The following GATA6 variants were observed in gnomAD, a reference collection of about 807,000 sequenced individuals.
GATA6 encodes the protein transcription factor GATA-6.
A neutral mutation model predicts 48.1 loss-of-function variants in GATA6; 11 were observed. The observed-to-expected ratio is 0.23, with a 90% CI of 0.14 to 0.38. The LOEUF is 0.38. Among genes scored for constraint, GATA6 ranks in the 10% least tolerant of loss-of-function variants. The pLI, the probability that GATA6 is intolerant of heterozygous loss-of-function variation, is 1.00. For missense variants in GATA6, 795 were observed against 850.3 expected (o/e 0.93, Z 0.81); for synonymous variants, 419 against 396.1 (o/e 1.06, Z -0.69).
intron 3 of GATA6, among the ~76,000 whole-genome samples, chr18:22,177,809 C>T (rs2033142483): frequency 6.6e-6 from 1 of 152,096 alleles, no homozygotes; most frequent in South Asian, 2.1e-4. Context: ...TCTTGGATTG[C>T]CCTTGAGCCT....
At chr18:22,199,776 G>A (rs931635507) in intron 6 of GATA6, among the ~76,000 whole-genome samples, 11 of 151,930 alleles carry the variant, frequency 7.2e-5, no homozygotes, top group African/African-American at 2.4e-4. Context: ...GGTGGTGCAT[G>A]CCTGTAATCC....
chr18:22,180,673 ATTTC>A (rs2143298370), intron 3 of GATA6, among the ~76,000 whole-genome samples: 1 of 149,896 alleles, frequency 6.7e-6, no homozygotes, highest in Admixed American at 6.6e-5. Context: ...ATTCAAATAT[ATTTC>A]TTTTTTTTTT....
chr18:22,200,176 A>AGTGTGT (rs59255780), intron 6 of GATA6, among the ~76,000 whole-genome samples: 6,069 of 150,438 alleles, frequency 0.04, 138 homozygotes, highest in Non-Finnish European at 0.057. Context: ...GCCTTGTTAG[A>AGTGTGT]GTGTGTGTGT....
intron 6 of GATA6, among the ~76,000 whole-genome samples, chr18:22,194,733 A>G (rs537288129): frequency 3.8e-4 from 52 of 137,780 alleles, no homozygotes; most frequent in African/African-American, 1.3e-3. Context: ...ACACACACAC[A>G]TCGTGTTGAT....
intron 3 of GATA6, among the ~76,000 whole-genome samples, chr18:22,178,876 T>C (rs1443885645): frequency 1.3e-5 from 2 of 152,228 alleles, no homozygotes; most frequent in Non-Finnish European, 2.9e-5. Flanking sequence ...ATGAAACCGA[T>C]TTATTTTTCT....
At chr18:22,189,608 A>G (rs556401167) in intron 6 of GATA6, among the ~76,000 whole-genome samples, 5 of 152,356 alleles carry the variant, frequency 3.3e-5, no homozygotes, top group African/African-American at 1.2e-4. Context: ...AGAGGAAAGT[A>G]TGAAGGCGAG....
Position 22,170,102 on chromosome 18 carries a change from C to G in GATA6, c.-38+420C>G, listed in dbSNP as rs753280559. The stretch of plus-strand genomic sequence containing the variant: ...CCGGCTGCATTTCACCTCCCTCCCC[C>G]ACTCGCTCCGAGTCTCCCTGTCATT... On this transcript the variant is annotated intron_variant, in intron 1 of 6. Coordinates refer to ENST00000269216, the MANE Select transcript of GATA6 (RefSeq NM_005257.6). The surrounding 1 kb of genome is among the most constrained non-coding windows in gnomAD (Gnocchi z 6.7). Among the ~76,000 whole-genome samples, 4 of 152,178 alleles carry G rather than the reference C, an allele frequency of 2.6e-5. No homozygotes were observed. The East Asian group carries it at 5.8e-4, about 22-fold the overall frequency.
At chr18:22,199,955 A>T (rs2033436950) in intron 6 of GATA6, among the ~76,000 whole-genome samples, 1 of 151,502 alleles carries the variant, frequency 6.6e-6, no homozygotes, top group Non-Finnish European at 1.5e-5. Flanking sequence ...CATGGCAGAT[A>T]GAGGATGTTA....
Position 22,169,616 on chromosome 18 carries a change from C to T in GATA6, c.-104C>T, listed in dbSNP as rs2033001253. ...ACTCGCGCTCGCCCGCTGGCGCCCT[C>T]GGCTTCTCTCCGCGCCTGGGAGCAC... On this transcript the variant is annotated 5_prime_UTR_variant, in exon 1 of 7. Transcript: ENST00000269216. 6.6e-6 allele frequency: 1 copy of T among 152,430 alleles called. No homozygotes were observed. Among genetic ancestry groups the T allele is most frequent in the African/African-American group, 2.4e-5 (1 of 41,444 alleles). 9.4% of individuals were successfully genotyped at this position (152,430 alleles called of 1,614,324 possible). A position where few individuals can be genotyped will look rare whatever the true frequency, so the allele number is the denominator to read the frequency against.
At position 22,177,944 on chromosome 18, in the gene GATA6, G is replaced by GTTTTT. The variant is rs979067151; in HGVS notation, c.1302+826_1302+830dup. 3.8e-3 allele frequency among the ~76,000 whole-genome samples: 295 copies of GTTTTT among 77,838 alleles called. 53 individuals are homozygous for GTTTTT. The highest frequency in any genetic ancestry group is 0.015 in the African/African-American group (235 of 15,868). 51.1% of individuals were successfully genotyped at this position (77,838 alleles called of 152,430 possible). A position where few individuals can be genotyped will look rare whatever the true frequency, so the allele number is the denominator to read the frequency against. On this transcript the variant is annotated intron_variant, in intron 3 of 6. Transcript: ENST00000269216. ...TTCCCCAATTCGCACACGTTTTACT[G>GTTTTT]TTTTTTTGTTTTTTTTTTTTTTTTT... is the stretch of plus-strand genomic sequence containing the variant.
chr18:22,201,818 G>A lies in GATA6; in HGVS notation c.*995G>A, dbSNP rs2033466024. The A allele has an allele frequency of 2.6e-5, 4 of 152,562 alleles. No individual in the cohort carries two copies. The highest frequency in any genetic ancestry group is 2.6e-4 in the Admixed American group (4 of 15,278). 9.5% of individuals were successfully genotyped at this position (152,562 alleles called of 1,614,324 possible). A position where few individuals can be genotyped will look rare whatever the true frequency, so the allele number is the denominator to read the frequency against. On this transcript the variant is annotated 3_prime_UTR_variant, in exon 7 of 7. Coordinates refer to ENST00000269216, the MANE Select transcript of GATA6 (RefSeq NM_005257.6). ...CTTTACTACCTAACGGATAGCATTT[G>A]TAAATACTCTAGGTATCTGTAAACA...
chr18:22,187,218 C>A (rs965784092), intron 6 of GATA6, among the ~76,000 whole-genome samples: 2 of 152,132 alleles, frequency 1.3e-5, no homozygotes, highest in African/African-American at 4.8e-5. Flanking sequence ...CGGTGGCTCA[C>A]CCCTTTAATC....
chr18:22,201,353 A>G lies in GATA6; in HGVS notation c.*530A>G, dbSNP rs923122549. On this transcript the variant is annotated 3_prime_UTR_variant, in exon 7 of 7. Coordinates refer to ENST00000269216, the MANE Select transcript of GATA6 (RefSeq NM_005257.6). ...TGCAAGACTGCATTGTAACTTTAAC[A>G]TACACTGTGACTGACGTTTCTCAAA... is the stretch of plus-strand genomic sequence containing the variant. The G allele has an allele frequency of 6.3e-6, 1 of 158,604 alleles. No homozygotes were observed. Among genetic ancestry groups the G allele is most frequent in the Non-Finnish European group, 1.4e-5 (1 of 71,332 alleles). The allele number at this position is 158,604 out of a possible 1,614,324, so 9.8% of individuals were successfully genotyped here. A position where few individuals can be genotyped will look rare whatever the true frequency, so the allele number is the denominator to read the frequency against.
chr18:22,177,418 A>G (rs2033137293), intron 3 of GATA6, among the ~76,000 whole-genome samples: 1 of 152,150 alleles, frequency 6.6e-6, no homozygotes, highest in African/African-American at 2.4e-5. Context: ...ACAAAAACAA[A>G]CAAAAAAGGA....
At chr18:22,182,295 T>C (rs566869501) in intron 4 of GATA6, among the ~76,000 whole-genome samples, 1 of 152,164 alleles carries the variant, frequency 6.6e-6, no homozygotes, top group South Asian at 2.1e-4. Flanking sequence ...GTAGTCTTTG[T>C]GCACTTGGGA....
chr18:22,177,439 TG>T (rs565655310), intron 3 of GATA6, among the ~76,000 whole-genome samples: 41 of 152,130 alleles, frequency 2.7e-4, no homozygotes, highest in Non-Finnish European at 4.6e-4. Context: ...AGGTGCAAAA[TG>T]TTACCATGTT....
intron 6 of GATA6, among the ~76,000 whole-genome samples, chr18:22,194,714 C>A (rs535027842): frequency 2.4e-4 from 36 of 151,418 alleles, no homozygotes; most frequent in African/African-American, 8.5e-4. Flanking sequence ...CCTCCGCCCC[C>A]CCCTCCCAAC....
chr18:22,184,332 T>C (rs926480013), intron 6 of GATA6, among the ~76,000 whole-genome samples: 2 of 151,630 alleles, frequency 1.3e-5, no homozygotes, highest in Admixed American at 6.6e-5. Flanking sequence ...AGAAGCCTTT[T>C]AGTTGTTTTT....
At chr18:22,184,105 A>AT (rs764694559) in intron 6 of GATA6, among the ~76,000 whole-genome samples, 4 of 152,178 alleles carry the variant, frequency 2.6e-5, no homozygotes, top group Non-Finnish European at 5.9e-5. Context: ...CCCAGGTGAA[A>AT]TTGGAACTAC....
Sources: gnomAD v4.1 joint callset for allele counts (sites outside exome capture counted in the v4.1 genomes callset) on GRCh38, gnomAD v4.1.1 for gene constraint, Gnocchi (gnomAD v3.1) non-coding constraint, MANE v1.5 for transcripts, NCBI Gene and HGNC (gene_info 2026-07-23, HGNC 2026-07-21) for gene names.